The following AKNAD1 variants were observed in gnomAD, a reference collection of about 807,000 sequenced individuals.
AKNAD1 encodes the protein AKNA domain containing 1.
Under a neutral mutation model 90.8 loss-of-function variants are expected in AKNAD1, and 67 were observed. The observed-to-expected ratio is 0.74, with a 90% CI of 0.61 to 0.90. AKNAD1 has a LOEUF of 0.90. Ranked by LOEUF, AKNAD1 falls within the 40% of genes least tolerant of loss-of-function variation. The pLI is 0.00. For missense variants in AKNAD1, 957 were observed against 975.4 expected, an observed-to-expected ratio of 0.98 and a Z score of 0.25; for synonymous variants, 327 against 341.4, an observed-to-expected ratio of 0.96 and a Z score of 0.46.
chr1:108,854,151 A>T (rs1570834150), intron 1 of AKNAD1, among the ~76,000 whole-genome samples: 1 of 152,194 alleles, frequency 6.6e-6, no homozygotes, highest in African/African-American at 2.4e-5. Flanking sequence ...AAATGGCTGG[A>T]GTAAAACCAG....
intron 7 of AKNAD1, chr1:108,837,286 AAATAGCTCTTCGGTGGTTT>A: frequency 6.0e-6 from 2 of 335,438 alleles, no homozygotes; most frequent in Non-Finnish European, 1.1e-5. Flanking sequence ...AATTTGGAAG[AAATAGCTCTTCGGTGGTTT>A]AATGGATTTA....
chr1:108,853,136 CTTT>C (rs889504364), intron 1 of AKNAD1, among the ~76,000 whole-genome samples: 46 of 133,536 alleles, frequency 3.4e-4, no homozygotes, highest in African/African-American at 1.1e-3. Context: ...TTTCTTTTTT[CTTT>C]TTTTTTTTTT....
In AKNAD1 at chr1:108,823,555, G is replaced by A. The variant is rs751751513; in HGVS notation, c.2059+11C>T. ...CCCACTCGCCTTTCTGAGGCCCCAGGTGAGTGTTACCTTTAGTTGGTTCTT... is the reference window on the plus strand; with the variant it reads ...CCCACTCGCCTTTCTGAGGCCCCAGATGAGTGTTACCTTTAGTTGGTTCTT... On this transcript the variant is annotated intron_variant, in intron 12 of 15. Coordinates refer to ENST00000370001, the MANE Select transcript of AKNAD1 (RefSeq NM_152763.5). 4.3e-6 allele frequency: 7 copies of A among 1,613,772 alleles called. No homozygotes were observed. Among genetic ancestry groups the A allele is most frequent in the Non-Finnish European group, 5.9e-6 (7 of 1,179,782 alleles).
intron 6 of AKNAD1, among the ~76,000 whole-genome samples, chr1:108,839,267 C>G (rs187088618): frequency 6.6e-6 from 1 of 152,046 alleles, no homozygotes; most frequent in Non-Finnish European, 1.5e-5. Context: ...GGGTGGATCA[C>G]GAGGTCAGGA....
At chr1:108,818,523 AT>A (rs913882636) in intron 14 of AKNAD1, among the ~76,000 whole-genome samples, 4 of 152,304 alleles carry the variant, frequency 2.6e-5, no homozygotes, top group African/African-American at 9.6e-5. Context: ...AGTACTTATT[AT>A]GAGCCTGGTA....
chr1:108,829,305 A>G (rs953110488), intron 10 of AKNAD1, among the ~76,000 whole-genome samples: 5 of 147,106 alleles, frequency 3.4e-5, no homozygotes, highest in Non-Finnish European at 7.5e-5. Flanking sequence ...AGTCTGGAAC[A>G]TTGGTCCCTG....
Position 108,830,715 on chromosome 1 carries a change from G to C in AKNAD1, c.1747-65C>G. On this transcript the variant is annotated intron_variant, in intron 9 of 15. Transcript: ENST00000370001. ...TGTGACTCACGCCGCGGCTGCACAC[G>C]CACAGCCCAGCAAGCAGCTGAGGTC... The C allele has an allele frequency of 2.7e-6, 4 of 1,492,128 alleles. No homozygotes were observed. The South Asian group carries it at 3.4e-5, about 13-fold the overall frequency. The allele number at this position is 1,492,128 out of a possible 1,614,324, so 92.4% of individuals were successfully genotyped here.
rs143559172 is a variant in AKNAD1 at position 108,851,747 on chromosome 1, C to A, written c.918G>T (p.Thr306=). ...GTTTTTCAACACAGTTTGACTCAGG[C>A]GTGGTTTCTAGACTATCTTGCACAA... ...PTLVQDSLET[T]PESNCVEKQH... is the part of the protein sequence containing the mutation. Residue 306 remains threonine, a synonymous_variant, in exon 2 of 16, where the codon ACG becomes ACT. Coordinates refer to ENST00000370001, the MANE Select transcript of AKNAD1 (RefSeq NM_152763.5). The A allele has an allele frequency of 9.3e-6, 15 of 1,612,198 alleles. No individual in the cohort carries two copies. Among genetic ancestry groups the A allele is most frequent in the African/African-American group, 1.3e-5 (1 of 74,726 alleles).
At chr1:108,835,973 G>C (rs1226231075) in intron 7 of AKNAD1, among the ~76,000 whole-genome samples, 12 of 152,180 alleles carry the variant, frequency 7.9e-5, no homozygotes, top group Non-Finnish European at 1.5e-5. Flanking sequence ...CATCTTGAGG[G>C]CAGGTGATTT....
chr1:108,816,084 T>C lies in AKNAD1; in HGVS notation c.*87A>G. The C allele has an allele frequency of 1.5e-6, 2 of 1,345,150 alleles. No homozygotes were observed. Among genetic ancestry groups the C allele is most frequent in the Non-Finnish European group, 2.0e-6 (2 of 1,020,930 alleles). The allele number at this position is 1,345,150 out of a possible 1,614,324, so 83.3% of individuals were successfully genotyped here. A position where few individuals can be genotyped will look rare whatever the true frequency, so the allele number is the denominator to read the frequency against. On this transcript the variant is annotated 3_prime_UTR_variant, in exon 16 of 16. Transcript: ENST00000370001. ...TTCTCTAGAAAGTCATCTTCCTAAA[T>C]TGTGTAGTAAGTAAAATACATTTTG...
chr1:108,818,320 T>C (rs534655560), intron 14 of AKNAD1, among the ~76,000 whole-genome samples: 69 of 152,290 alleles, frequency 4.5e-4, no homozygotes, highest in African/African-American at 1.5e-3. Context: ...TCCCCTACCA[T>C]AGGAGCATCA....
rs181784849 is a variant in AKNAD1, at chr1:108,827,320, A to C, written c.1839-18T>G. 6.6e-5 allele frequency: 103 copies of C among 1,570,254 alleles called. 1 individual carries two copies. The highest frequency in any genetic ancestry group is 8.8e-5 in the Non-Finnish European group (101 of 1,143,240). ...TTTGCTTCCTAAAAAAAGGTGCATA[A>C]GATCCTGTAAACTTTTAGTGCATTT... On this transcript the variant is annotated intron_variant, in intron 10 of 15. Coordinates refer to ENST00000370001, the MANE Select transcript of AKNAD1 (RefSeq NM_152763.5).
In AKNAD1 at chr1:108,844,652, A is replaced by G. The variant is rs181984873; in HGVS notation, c.1246-1385T>C. ...CAGACACAGCTGGGTGCAAGTTCAGACTCTGTCACTTACTCATTGTATGAT... is the reference window on the plus strand; with the variant it reads ...CAGACACAGCTGGGTGCAAGTTCAGGCTCTGTCACTTACTCATTGTATGAT... On this transcript the variant is annotated intron_variant, in intron 5 of 15. Coordinates refer to ENST00000370001, the MANE Select transcript of AKNAD1 (RefSeq NM_152763.5). 5.4e-3 allele frequency among the ~76,000 whole-genome samples: 816 copies of G among 151,820 alleles called. 12 individuals are homozygous for G. Among genetic ancestry groups the G allele is most frequent in the Admixed American group, 0.022 (339 of 15,240 alleles).
At chr1:108,821,321 G>A (rs185273394) in intron 13 of AKNAD1, among the ~76,000 whole-genome samples, 39 of 151,998 alleles carry the variant, frequency 2.6e-4, no homozygotes, top group African/African-American at 9.2e-4. Flanking sequence ...TGTGGTGGTG[G>A]GTGCCTGTAA....
At chr1:108,841,145 C>G (rs1327913715) in intron 6 of AKNAD1, among the ~76,000 whole-genome samples, 1 of 151,820 alleles carries the variant, frequency 6.6e-6, no homozygotes, top group Non-Finnish European at 1.5e-5. Context: ...TGCACTCCAG[C>G]CTGGGCAACA....
intron 13 of AKNAD1, chr1:108,822,907 A>AT (rs1441070012): frequency 2.7e-5 from 10 of 368,638 alleles, no homozygotes; most frequent in South Asian, 6.1e-5. Context: ...TAGGGTTTTA[A>AT]TTTTTTTTCA....
At chr1:108,829,433 T>C (rs1664112522) in intron 10 of AKNAD1, among the ~76,000 whole-genome samples, 1 of 152,214 alleles carries the variant, frequency 6.6e-6, no homozygotes. Context: ...TCATTATACT[T>C]AGTAAAACCT....
chr1:108,830,374 G>T (rs569711109), intron 10 of AKNAD1, among the ~76,000 whole-genome samples, 185 bp downstream of exon 10: 1 of 152,304 alleles, frequency 6.6e-6, no homozygotes, highest in African/African-American at 2.4e-5. Context: ...GGTCTCCCCA[G>T]TTGAGGACCA....
intron 5 of AKNAD1, among the ~76,000 whole-genome samples, chr1:108,843,894 G>C (rs1469916943): frequency 6.6e-6 from 1 of 152,164 alleles, no homozygotes; most frequent in Non-Finnish European, 1.5e-5. Flanking sequence ...TGCGGGTTAG[G>C]GGCATGTTGA....
Sources: allele counts gnomAD v4.1 joint callset (sites outside exome capture counted in the v4.1 genomes callset), GRCh38; gene constraint gnomAD v4.1.1; transcripts MANE v1.5; gene names NCBI Gene and HGNC (gene_info 2026-07-23, HGNC 2026-07-21).